The following ZNF451 variants were observed in gnomAD, a reference collection of about 807,000 sequenced individuals.
ZNF451 encodes the protein zinc finger protein 451, also known as E3 SUMO-protein ligase ZNF451.
In ZNF451, 80 loss-of-function variants were observed where a neutral mutation model predicts 107.1. That is an observed-to-expected ratio of 0.75 (90% CI 0.62 to 0.90). ZNF451 has a LOEUF of 0.90. Among genes scored for constraint, ZNF451 ranks in the 40% least tolerant of loss-of-function variants. The pLI is 0.00. For missense variants in ZNF451, 1,107 were observed against 1,236.2 expected, an observed-to-expected ratio of 0.90 and a Z score of 1.57; for synonymous variants, 362 against 406.5, an observed-to-expected ratio of 0.89 and a Z score of 1.32.
In ZNF451 at chr6:57,150,292, G is replaced by T. The variant is rs150396192; in HGVS notation, c.2609-427G>T. On this transcript the variant is annotated intron_variant, in intron 10 of 14. Coordinates refer to ENST00000370706, the MANE Select transcript of ZNF451 (RefSeq NM_001031623.3). Reference sequence around the variant, plus strand: ...GGCTACTAATAAATCAGTCCAGACTGGGAAAAGAACCAAATTCTGGTGGTG... The same window carrying T: ...GGCTACTAATAAATCAGTCCAGACTTGGAAAAGAACCAAATTCTGGTGGTG... Among the ~76,000 whole-genome samples, 362 of 152,240 alleles carry T rather than the reference G, an allele frequency of 2.4e-3. 1 individual carries two copies. Among genetic ancestry groups the T allele is most frequent in the African/African-American group, 8.4e-3 (348 of 41,546 alleles).
At chr6:57,159,950 T>A (rs1763597102) in intron 13 of ZNF451, among the ~76,000 whole-genome samples, 1 of 152,228 alleles carries the variant, frequency 6.6e-6, no homozygotes, top group Admixed American at 6.5e-5. Flanking sequence ...ATATATCATA[T>A]ATAGATGCAT....
chr6:57,116,834 A>T (rs528847767), intron 3 of ZNF451: 1 of 151,698 alleles, frequency 6.6e-6, no homozygotes, highest in Non-Finnish European at 1.5e-5. Flanking sequence ...GCATGGTTGC[A>T]TGTACCTATA....
chr6:57,093,179 G>A (rs1418200563), intron 2 of ZNF451: 1 of 152,118 alleles, frequency 6.6e-6, no homozygotes, highest in Non-Finnish European at 1.5e-5. Flanking sequence ...TGATGTGATA[G>A]TTCACAGTGC....
intron 13 of ZNF451, among the ~76,000 whole-genome samples, chr6:57,156,250 G>C (rs1050490301): frequency 2.6e-5 from 4 of 152,004 alleles, no homozygotes; most frequent in Non-Finnish European, 4.4e-5. Flanking sequence ...TTTTCTTCAT[G>C]GAAGACTTAA....
chr6:57,096,186 T>G (rs1829301947), intron 2 of ZNF451, among the ~76,000 whole-genome samples: 1 of 135,206 alleles, frequency 7.4e-6, no homozygotes, highest in Non-Finnish European at 1.6e-5. Context: ...GTTTTTTTTT[T>G]TTTTTTTTTT....
Position 57,128,859 on chromosome 6 carries a change from A to G in ZNF451, c.424+19A>G, listed in dbSNP as rs532295790. On this transcript the variant is annotated intron_variant, in intron 5 of 14. Transcript: ENST00000370706. ...ATGCCAGGTATTCTTTAGAAATTAC[A>G]CTAAGGTTACCTAGCTTCCCCAAAG... is the stretch of plus-strand genomic sequence containing the variant. 28 of 1,571,054 alleles carry G rather than the reference A, an allele frequency of 1.8e-5. No homozygotes were observed. The highest frequency in any genetic ancestry group is 1.7e-4 in the Middle Eastern group (1 of 5,964).
chr6:57,107,443 T>C (rs771303854), intron 3 of ZNF451: 6 of 985,384 alleles, frequency 6.1e-6, no homozygotes, highest in Non-Finnish European at 6.0e-6. Flanking sequence ...ACTACTTTGA[T>C]TTTTGAACTT....
In ZNF451 at chr6:57,153,731, A is replaced by G. The variant is rs147377444; in HGVS notation, c.2884-130A>G. Reference sequence around the variant, plus strand: ...CCCAGCTGAAGGAGATCTTTATGTCATACTTTGGTAGGGACTAGGGAACAA... The same window carrying G: ...CCCAGCTGAAGGAGATCTTTATGTCGTACTTTGGTAGGGACTAGGGAACAA... On this transcript the variant is annotated intron_variant, in intron 12 of 14. Coordinates refer to ENST00000370706, the MANE Select transcript of ZNF451 (RefSeq NM_001031623.3). The G allele has an allele frequency of 6.2e-4, 536 of 866,000 alleles. 2 individuals are homozygous for G. The African/African-American group carries it at 8.3e-3, about 13-fold the overall frequency. The allele number at this position is 866,000 out of a possible 1,614,324, so 53.6% of individuals were successfully genotyped here. A position where few individuals can be genotyped will look rare whatever the true frequency, so the allele number is the denominator to read the frequency against.
At chr6:57,138,714 T>TAC (rs1831568481) in intron 7 of ZNF451, among the ~76,000 whole-genome samples, 1 of 93,504 alleles carries the variant, frequency 1.1e-5, no homozygotes, top group Admixed American at 1.0e-4. Flanking sequence ...CATATATATA[T>TAC]ATATATATAT....
intron 2 of ZNF451, among the ~76,000 whole-genome samples, chr6:57,092,427 C>G (rs752446661): frequency 3.9e-5 from 6 of 152,154 alleles, no homozygotes; most frequent in Non-Finnish European, 5.9e-5. Flanking sequence ...ACTTCTTACT[C>G]TTGTTCCCAA....
At chr6:57,093,717 G>A (rs951101282) in intron 2 of ZNF451, among the ~76,000 whole-genome samples, 2 of 152,224 alleles carry the variant, frequency 1.3e-5, no homozygotes, top group East Asian at 3.8e-4. Context: ...GGATTTATAT[G>A]TGTTTAAAAG....
chr6:57,123,103 G>C (rs982732174), intron 3 of ZNF451, among the ~76,000 whole-genome samples: 3 of 152,162 alleles, frequency 2.0e-5, no homozygotes. Context: ...GGCAGGTCAG[G>C]GCTGCGGTGA....
At position 57,169,536 on chromosome 6, in the gene ZNF451, GTAAT is replaced by G. The variant is rs1764042493; in HGVS notation, c.*1070_*1073del. On this transcript the variant is annotated 3_prime_UTR_variant, in exon 15 of 15. Coordinates refer to ENST00000370706, the MANE Select transcript of ZNF451 (RefSeq NM_001031623.3). ...GTCTTATCTCTAAAAATTTTTAGTA[GTAAT>G]TATTTACCAAACTTAAAAACATTTC... The G allele has an allele frequency of 6.6e-6, 1 of 151,986 alleles. No homozygotes were observed. Among genetic ancestry groups the G allele is most frequent in the Non-Finnish European group, 1.5e-5 (1 of 67,976 alleles). The allele number at this position is 151,986 out of a possible 1,614,324, so 9.4% of individuals were successfully genotyped here.
At chr6:57,093,482 C>T (rs980982467) in intron 2 of ZNF451, among the ~76,000 whole-genome samples, 11 of 152,078 alleles carry the variant, frequency 7.2e-5, no homozygotes, top group African/African-American at 9.7e-5. Flanking sequence ...TATGCAAAGC[C>T]GTGAGTTAAG....
Position 57,153,997 on chromosome 6 carries a change from A to G in ZNF451, c.3020A>G (p.Glu1007Gly). The G allele has an allele frequency of 1.9e-6, 3 of 1,614,182 alleles. No homozygotes were observed. Among genetic ancestry groups the G allele is most frequent in the Non-Finnish European group, 2.5e-6 (3 of 1,180,034 alleles). ...PAHILNPHHL[E>G]GDMMCALLNS... ...CATATACTAAACCCTCACCACTTAGAGGGAGATATGATGTGTGCCTTGTTA... is the reference window on the plus strand; with the variant it reads ...CATATACTAAACCCTCACCACTTAGGGGGAGATATGATGTGTGCCTTGTTA... The change falls in exon 13 of 15, where the codon GAG (glutamate) becomes GGG (glycine). Residue 1007 changes from glutamate (E) to glycine (G), a missense_variant. Transcript: ENST00000370706.
chr6:57,105,123 T>C (rs1829787466), intron 3 of ZNF451: 1 of 985,434 alleles, frequency 1.0e-6, no homozygotes, highest in Non-Finnish European at 1.2e-6. Context: ...TAATAAATCC[T>C]CATATTATGC....
At chr6:57,160,090 T>C (rs539435798) in intron 13 of ZNF451, among the ~76,000 whole-genome samples, 1 of 152,184 alleles carries the variant, frequency 6.6e-6, no homozygotes, top group Non-Finnish European at 1.5e-5. Flanking sequence ...GAACTTTATT[T>C]TTCAGTATGG....
Position 57,106,858 on chromosome 6 carries a change from A to G in ZNF451, c.186+7717A>G, listed in dbSNP as rs1412946737. On this transcript the variant is annotated intron_variant, in intron 3 of 14. Coordinates refer to ENST00000370706, the MANE Select transcript of ZNF451 (RefSeq NM_001031623.3). Reference sequence around the variant, plus strand: ...TTAAGAAAATATATAAGTGGAAGTTATCAGTAAACTGGTGATTATTGTATT... The same window carrying G: ...TTAAGAAAATATATAAGTGGAAGTTGTCAGTAAACTGGTGATTATTGTATT... 4.1e-6 allele frequency: 4 copies of G among 974,714 alleles called. No individual in the cohort carries two copies. In the African/African-American group the frequency reaches 7.0e-5, roughly 17 times the overall value. The allele number at this position is 974,714 out of a possible 1,614,324, so 60.4% of individuals were successfully genotyped here.
chr6:57,091,388 A>G (rs1159294475), intron 2 of ZNF451: 2 of 131,338 alleles, frequency 1.5e-5, no homozygotes, highest in African/African-American at 5.8e-5. Flanking sequence ...AGAATCCTAC[A>G]TCACTGGGAA....
Sources: gnomAD v4.1 joint callset for allele counts (sites outside exome capture counted in the v4.1 genomes callset) on GRCh38, gnomAD v4.1.1 for gene constraint, MANE v1.5 for transcripts, NCBI Gene and HGNC (gene_info 2026-07-23, HGNC 2026-07-21) for gene names.